Variants in ADCY5 observed in about 807,000 individuals in gnomAD.
ADCY5 encodes the protein adenylate cyclase 5, also known as adenylate cyclase type 5.
Under a neutral mutation model 119.7 loss-of-function variants are expected in ADCY5, and 30 were observed. The observed-to-expected ratio is 0.25, with a 90% CI of 0.19 to 0.34. The LOEUF is 0.34. Among genes scored for constraint, ADCY5 ranks in the 10% least tolerant of loss-of-function variants. ADCY5 has a pLI of 1.00. For missense variants in ADCY5, 1,324 were observed against 1,775.2 expected (o/e 0.75, Z 4.57); for synonymous variants, 753 against 762.2 (o/e 0.99, Z 0.20).
chr3:123,294,236 C>T lies in ADCY5; in HGVS notation c.3063+1848G>A, dbSNP rs79953952. On this transcript the variant is annotated intron_variant, in intron 17 of 20. Transcript: ENST00000462833. Reference sequence around the variant, plus strand: ...CAACCAGCAAGTCCAGAAGGAATGGCGGACACTGGGCATTGCTATCGGGCA... The same window carrying T: ...CAACCAGCAAGTCCAGAAGGAATGGTGGACACTGGGCATTGCTATCGGGCA... Among the ~76,000 whole-genome samples, 962 of 152,246 alleles carry T rather than the reference C, an allele frequency of 6.3e-3. 15 individuals carry two copies. The highest frequency in any genetic ancestry group is 0.022 in the African/African-American group (897 of 41,538).
At chr3:123,430,602 G>A (rs1249652883) in intron 1 of ADCY5, among the ~76,000 whole-genome samples, 1 of 152,240 alleles carries the variant, frequency 6.6e-6, no homozygotes, top group Non-Finnish European at 1.5e-5. Flanking sequence ...CAATGCTGGA[G>A]AAATATTCCA....
At chr3:123,394,598 TG>T (rs1006571841) in intron 1 of ADCY5, among the ~76,000 whole-genome samples, 13 of 152,238 alleles carry the variant, frequency 8.5e-5, no homozygotes, top group African/African-American at 2.9e-4. Flanking sequence ...GAAGGTAGGA[TG>T]GGGGCGGGGC....
Position 123,416,382 on chromosome 3 carries a change from G to GGCT in ADCY5, c.1134+31027_1134+31029dup. 2.0e-6 allele frequency: 3 copies of GGCT among 1,494,314 alleles called. 1 individual carries two copies. The South Asian group carries it at 3.9e-5, about 20-fold the overall frequency. The allele number at this position is 1,494,314 out of a possible 1,614,324, so 92.6% of individuals were successfully genotyped here. A position where few individuals can be genotyped will look rare whatever the true frequency, so the allele number is the denominator to read the frequency against. ...TCCCCTTGTCTTGGGGAAGACACCA[G>GGCT]GCTGCTTAACAGTGGAACAGCCTGG... On this transcript the variant is annotated intron_variant, in intron 1 of 20. Transcript: ENST00000462833.
At chr3:123,427,727 A>T (rs551956009) in intron 1 of ADCY5, among the ~76,000 whole-genome samples, 1 of 152,338 alleles carries the variant, frequency 6.6e-6, no homozygotes, top group Admixed American at 6.5e-5. Context: ...GGGTGACAAT[A>T]TCAGTGCTTA....
chr3:123,405,873 G>C (rs555651043), intron 1 of ADCY5, among the ~76,000 whole-genome samples: 14 of 152,140 alleles, frequency 9.2e-5, no homozygotes, highest in African/African-American at 3.4e-4. Flanking sequence ...GGCCTCAAGC[G>C]ATCTGCCTGC....
At position 123,282,932 on chromosome 3, in the gene ADCY5, C is replaced by T. The variant is rs192717414; in HGVS notation, c.*1676G>A. 3.3e-5 allele frequency: 5 copies of T among 152,292 alleles called. No individual in the cohort carries two copies. Among genetic ancestry groups the T allele is most frequent in the Admixed American group, 1.3e-4 (2 of 15,304 alleles). 9.4% of individuals were successfully genotyped at this position (152,292 alleles called of 1,614,324 possible). Reference sequence around the variant, plus strand: ...GCAATGGAAAGATTTGGGCATGGGCCCTAAGGATTCCACTGAATTCTGTGC... The same window carrying T: ...GCAATGGAAAGATTTGGGCATGGGCTCTAAGGATTCCACTGAATTCTGTGC... On this transcript the variant is annotated 3_prime_UTR_variant, in exon 21 of 21. Coordinates refer to ENST00000462833, the MANE Select transcript of ADCY5 (RefSeq NM_183357.3).
chr3:123,447,406 C>T lies in ADCY5; in HGVS notation c.1134+6G>A. ...ATCCAGTCCCGGTGGCCAGGTCGGC[C>T]CCTACCTGCTTCAGCAGGAACTGGT... On this transcript the variant is annotated splice_donor_region_variant and intron_variant, in intron 1 of 20. Transcript: ENST00000462833. The T allele has an allele frequency of 1.3e-6, 2 of 1,558,186 alleles. No individual in the cohort carries two copies. The highest frequency in any genetic ancestry group is 2.4e-5 in the South Asian group (2 of 82,000).
intron 17 of ADCY5, among the ~76,000 whole-genome samples, chr3:123,292,878 C>T (rs1162466998): frequency 6.6e-6 from 1 of 152,226 alleles, no homozygotes; most frequent in African/African-American, 2.4e-5. Flanking sequence ...AGAAGCACTA[C>T]AGCTCCTTTG....
intron 1 of ADCY5, among the ~76,000 whole-genome samples, chr3:123,391,539 A>G (rs1410446129): frequency 7.9e-5 from 12 of 152,112 alleles, no homozygotes; most frequent in Non-Finnish European, 1.8e-4. Flanking sequence ...ACACCCAGTC[A>G]AGGACACTGC....
chr3:123,302,595 C>T (rs1399041988), intron 14 of ADCY5, among the ~76,000 whole-genome samples: 1 of 152,114 alleles, frequency 6.6e-6, no homozygotes, highest in Non-Finnish European at 1.5e-5. Flanking sequence ...AAAGTTTTGC[C>T]CTCAGATCAG....
chr3:123,401,901 C>T (rs1328951850), intron 1 of ADCY5, among the ~76,000 whole-genome samples: 1 of 152,160 alleles, frequency 6.6e-6, no homozygotes, highest in Admixed American at 6.5e-5. Flanking sequence ...CGGTGCCTGT[C>T]CCTGCAGAAT....
At chr3:123,321,644 AG>A (rs1941224322) in intron 8 of ADCY5, among the ~76,000 whole-genome samples, 2 of 152,226 alleles carry the variant, frequency 1.3e-5, no homozygotes, top group Non-Finnish European at 2.9e-5. Context: ...CTTCCCTGGC[AG>A]TGTGGAGCAC....
intron 1 of ADCY5, among the ~76,000 whole-genome samples, chr3:123,421,722 C>G (rs192705889): frequency 2.6e-5 from 4 of 152,214 alleles, no homozygotes; most frequent in African/African-American, 9.7e-5. Context: ...AGCTCCCCCA[C>G]TGGCCTCCCA....
chr3:123,370,556 T>C (rs1419970700), intron 1 of ADCY5, among the ~76,000 whole-genome samples: 1 of 152,234 alleles, frequency 6.6e-6, no homozygotes, highest in Non-Finnish European at 1.5e-5. Flanking sequence ...AACCCAGCTT[T>C]GACCATATGA....
intron 1 of ADCY5, among the ~76,000 whole-genome samples, chr3:123,401,486 C>A (rs1004552693): frequency 2.0e-5 from 3 of 152,206 alleles, no homozygotes; most frequent in Admixed American, 2.0e-4. Flanking sequence ...GTCTGACCAT[C>A]CTTGGAGCCC....
chr3:123,327,161 G>GA (rs1941531055), intron 7 of ADCY5, among the ~76,000 whole-genome samples: 1 of 152,098 alleles, frequency 6.6e-6, no homozygotes, highest in African/African-American at 2.4e-5. Flanking sequence ...GGGGGAAAAA[G>GA]AAACAGACTA....
chr3:123,327,653 C>T lies in ADCY5; in HGVS notation c.1912G>A (p.Glu638Lys), dbSNP rs1553726580. Residue 638 changes from glutamate to lysine, a missense_variant, in exon 7 of 21, where the codon GAG (glutamate) becomes AAG (lysine). Glu to Lys is a moderately conservative substitution (Grantham distance 56). Coordinates refer to ENST00000462833, the MANE Select transcript of ADCY5 (RefSeq NM_183357.3). ...RNAYLKEHSI[E>K]TFLILRCTQK... ...GTGCAGCGCAGGATGAGGAAGGTCT[C>T]GATACTGTGCTCCTTGAGGTAGGCG... is the stretch of plus-strand genomic sequence containing the variant. 6 of 1,614,026 alleles carry T rather than the reference C, an allele frequency of 3.7e-6. No individual in the cohort carries two copies. Among genetic ancestry groups the T allele is most frequent in the South Asian group, 1.1e-5 (1 of 91,054 alleles).
At chr3:123,358,155 C>CGTGTGTGTGTGT (rs6148049) in intron 1 of ADCY5, among the ~76,000 whole-genome samples, 6,609 of 140,794 alleles carry the variant, frequency 0.047, 201 homozygotes, top group East Asian at 0.066. Flanking sequence ...ACATGGAACA[C>CGTGTGTGTGTGT]GTGTGTGTGT....
At chr3:123,344,181 C>A (rs1412149703) in intron 3 of ADCY5, among the ~76,000 whole-genome samples, 3 of 152,206 alleles carry the variant, frequency 2.0e-5, no homozygotes, top group African/African-American at 7.2e-5. Context: ...TAGATCCAGG[C>A]CCAGCCTGTC....
Sources: allele counts gnomAD v4.1 joint callset (sites outside exome capture counted in the v4.1 genomes callset), GRCh38; gene constraint gnomAD v4.1.1; transcripts MANE v1.5; gene names NCBI Gene and HGNC (gene_info 2026-07-23, HGNC 2026-07-21).